TCF7L1: variants seen among roughly 807,000 people sequenced by gnomAD.
TCF7L1 encodes the protein transcription factor 7 like 1.
In TCF7L1, 18 loss-of-function variants were observed where a neutral mutation model predicts 63.7. That is an observed-to-expected ratio of 0.28 (90% CI 0.20 to 0.42). The LOEUF (loss-of-function observed/expected upper bound fraction) is 0.42, where lower values mean the gene tolerates loss of function less well. Ranked by LOEUF, TCF7L1 falls within the 10% of genes least tolerant of loss-of-function variation. The pLI, the probability that TCF7L1 is intolerant of heterozygous loss-of-function variation, is 1.00. For synonymous variants in TCF7L1, 355 were observed against 340.9 expected, an observed-to-expected ratio of 1.04 and a Z score of -0.46; for missense variants, 654 against 779.3, an observed-to-expected ratio of 0.84 and a Z score of 1.91.
intron 3 of TCF7L1, among the ~76,000 whole-genome samples, chr2:85,155,532 T>C (rs1394814992): frequency 6.6e-6 from 1 of 152,182 alleles, no homozygotes; most frequent in Non-Finnish European, 1.5e-5. Flanking sequence ...GGACTTGTGC[T>C]CCACAGAACC....
chr2:85,204,398 T>C (rs1162528072), intron 3 of TCF7L1, among the ~76,000 whole-genome samples: 1 of 147,822 alleles, frequency 6.8e-6, no homozygotes, highest in Admixed American at 7.1e-5. Context: ...ATAGTAGAGA[T>C]GTACCTTGTA....
chr2:85,181,324 G>A (rs1010970786), intron 3 of TCF7L1, among the ~76,000 whole-genome samples: 1 of 152,252 alleles, frequency 6.6e-6, no homozygotes, highest in African/African-American at 2.4e-5. Flanking sequence ...GTGTAAGTTA[G>A]TAAACTACAG....
intron 3 of TCF7L1, among the ~76,000 whole-genome samples, chr2:85,172,587 T>C (rs955927424): frequency 2.6e-4 from 39 of 152,136 alleles, no homozygotes; most frequent in Non-Finnish European, 8.8e-5. Context: ...CCACCACGCC[T>C]GGCTAGTTTT....
chr2:85,239,664 C>G (rs1680279220), intron 3 of TCF7L1, among the ~76,000 whole-genome samples: 1 of 152,074 alleles, frequency 6.6e-6, no homozygotes, highest in East Asian at 1.9e-4. Flanking sequence ...GAATGAAGAT[C>G]GGGCGCAGTG....
At chr2:85,149,122 A>G (rs1174921934) in intron 3 of TCF7L1, among the ~76,000 whole-genome samples, 1 of 152,112 alleles carries the variant, frequency 6.6e-6, no homozygotes, top group Non-Finnish European at 1.5e-5. Flanking sequence ...GAGTCAGGGG[A>G]GAGGCCAGAA....
intron 4 of TCF7L1, among the ~76,000 whole-genome samples, chr2:85,296,533 A>G (rs1033120736): frequency 6.6e-6 from 1 of 152,132 alleles, no homozygotes; most frequent in African/African-American, 2.4e-5. Flanking sequence ...TAGGGTAACA[A>G]TTTTTCCCTT....
intron 3 of TCF7L1, among the ~76,000 whole-genome samples, chr2:85,237,043 T>C (rs1265750267): frequency 2.0e-5 from 3 of 152,164 alleles, no homozygotes; most frequent in Non-Finnish European, 4.4e-5. Context: ...CACCATAGGC[T>C]CAGGAGAGGT....
intron 3 of TCF7L1, among the ~76,000 whole-genome samples, chr2:85,186,249 G>C (rs1265719284): frequency 6.6e-6 from 1 of 152,106 alleles, no homozygotes; most frequent in Non-Finnish European, 1.5e-5. Context: ...TTACAAGCGT[G>C]AGCCACCGCG....
chr2:85,261,703 C>T (rs115550005), intron 3 of TCF7L1, among the ~76,000 whole-genome samples: 3 of 150,272 alleles, frequency 2.0e-5, no homozygotes, highest in Admixed American at 1.3e-4. Context: ...CCAGCCTGGG[C>T]AACATAGCAA....
chr2:85,221,109 G>A (rs895919669), intron 3 of TCF7L1, among the ~76,000 whole-genome samples: 8 of 152,170 alleles, frequency 5.3e-5, no homozygotes, highest in Non-Finnish European at 8.8e-5. Flanking sequence ...AGACGGAAAA[G>A]ATGAAATAAT....
chr2:85,251,564 C>T (rs148265751), intron 3 of TCF7L1, among the ~76,000 whole-genome samples: 266 of 152,260 alleles, frequency 1.7e-3, no homozygotes, highest in Middle Eastern at 3.4e-3. Flanking sequence ...CCGCTTGAGG[C>T]TGTTTACCTC....
chr2:85,277,814 G>T (rs1215072526), intron 3 of TCF7L1, among the ~76,000 whole-genome samples: 1 of 152,204 alleles, frequency 6.6e-6, no homozygotes, highest in Admixed American at 6.5e-5. Flanking sequence ...TGTTGCCCAG[G>T]CCCTGCTTAA....
Position 85,251,191 on chromosome 2 carries a change from G to A in TCF7L1, c.442-32304G>A, listed in dbSNP as rs115471546. On this transcript the variant is annotated intron_variant, in intron 3 of 11. Coordinates refer to ENST00000282111, the MANE Select transcript of TCF7L1 (RefSeq NM_031283.3). ...TTGCTGTAACTAATTTAACAATTTA[G>A]GAGTGGAAAGAAAAATTAACCAATT... 9.4e-3 allele frequency among the ~76,000 whole-genome samples: 1,424 copies of A among 152,248 alleles called. 17 individuals are homozygous for A. The highest frequency in any genetic ancestry group is 0.033 in the African/African-American group (1,359 of 41,530).
chr2:85,293,132 A>G (rs1011233514), intron 4 of TCF7L1, among the ~76,000 whole-genome samples: 4 of 152,178 alleles, frequency 2.6e-5, no homozygotes, highest in African/African-American at 9.7e-5. Flanking sequence ...ACTTCATTTC[A>G]TGTCCACTAA....
chr2:85,179,292 C>T (rs1296590237), intron 3 of TCF7L1, among the ~76,000 whole-genome samples: 1 of 152,150 alleles, frequency 6.6e-6, no homozygotes, highest in Non-Finnish European at 1.5e-5. Context: ...TGAAACACAA[C>T]CTGAGTCCTG....
chr2:85,240,040 G>T (rs749891736), intron 3 of TCF7L1, among the ~76,000 whole-genome samples: 1 of 151,488 alleles, frequency 6.6e-6, no homozygotes, highest in African/African-American at 2.4e-5. Context: ...TTCATCAACA[G>T]TATTAGCATT....
chr2:85,242,206 T>C (rs866832103), intron 3 of TCF7L1, among the ~76,000 whole-genome samples: 1 of 152,080 alleles, frequency 6.6e-6, no homozygotes, highest in Non-Finnish European at 1.5e-5. Flanking sequence ...CTTCCATTGA[T>C]ACCATGAGGC....
At chr2:85,277,587 TTG>T in intron 3 of TCF7L1, among the ~76,000 whole-genome samples, 1 of 152,242 alleles carries the variant, frequency 6.6e-6, no homozygotes, top group African/African-American at 2.4e-5. Context: ...CTGGGACCCT[TTG>T]TGTCTGCTGA....
intron 3 of TCF7L1, among the ~76,000 whole-genome samples, chr2:85,212,013 C>G (rs1468086515): frequency 6.9e-6 from 1 of 144,500 alleles, no homozygotes; most frequent in African/African-American, 2.5e-5. Flanking sequence ...TCGCTTGAAC[C>G]TGGGAGGCAG....
Sources: allele counts gnomAD v4.1 joint callset (sites outside exome capture counted in the v4.1 genomes callset), GRCh38; gene constraint gnomAD v4.1.1; transcripts MANE v1.5; gene names NCBI Gene and HGNC (gene_info 2026-07-23, HGNC 2026-07-21).